The following GORASP2 variants were observed in gnomAD, a reference collection of about 807,000 sequenced individuals.
GORASP2 encodes the protein golgi reassembly stacking protein 2, also known as Golgi reassembly-stacking protein 2.
In GORASP2, 22 loss-of-function variants were observed where a neutral mutation model predicts 45.7. The observed-to-expected ratio is 0.48, with a 90% CI of 0.34 to 0.69. The LOEUF is 0.69. Ranked by LOEUF, GORASP2 falls within the 30% of genes least tolerant of loss-of-function variation. The pLI is 0.01. For synonymous variants in GORASP2, 221 were observed against 215.6 expected, an observed-to-expected ratio of 1.02 and a Z score of -0.22; for missense variants, 491 against 562.7, an observed-to-expected ratio of 0.87 and a Z score of 1.29.
At chr2:170,959,812 C>T (rs1033368518) in intron 7 of GORASP2, among the ~76,000 whole-genome samples, 7 of 144,984 alleles carry the variant, frequency 4.8e-5, no homozygotes, top group Admixed American at 3.6e-4. Flanking sequence ...TGCAGTGTAT[C>T]ACCTTTTTCT....
intron 3 of GORASP2, 97 bp downstream of exon 3, chr2:170,949,839 T>C: frequency 9.2e-7 from 1 of 1,087,074 alleles, no homozygotes; most frequent in South Asian, 1.4e-5. Context: ...ATTGTAAGGA[T>C]ATTATTAATA....
intron 5 of GORASP2, chr2:170,954,159 G>A (rs1345759356): frequency 1.3e-5 from 2 of 153,002 alleles, no homozygotes; most frequent in Non-Finnish European, 2.9e-5. Flanking sequence ...AGAGAACTAT[G>A]GAATGTGTAA....
chr2:170,950,351 T>C, intron 4 of GORASP2, 61 bp downstream of exon 4: 1 of 784,244 alleles, frequency 1.3e-6, no homozygotes, highest in South Asian at 1.8e-5. Flanking sequence ...AGGTTTGAGT[T>C]GAGAAAGATA....
chr2:170,956,407 CTT>C (rs755852644), intron 6 of GORASP2, 27 bp from the exon 7 acceptor site: 2 of 1,568,664 alleles, frequency 1.3e-6, no homozygotes, highest in East Asian at 2.2e-5. Flanking sequence ...CTTAAGTAAT[CTT>C]TGTGTTTTTT....
intron 1 of GORASP2, among the ~76,000 whole-genome samples, chr2:170,940,642 T>C (rs1236367723): frequency 1.4e-5 from 2 of 138,140 alleles, no homozygotes; most frequent in Non-Finnish European, 3.1e-5. Context: ...AGTGAATTGC[T>C]TTTTTTTTTT....
intron 4 of GORASP2, 35 bp downstream of exon 4, chr2:170,950,325 T>C (rs758219956): frequency 1.9e-6 from 2 of 1,041,328 alleles, no homozygotes; most frequent in South Asian, 3.0e-5. Context: ...GAGAACTATA[T>C]AAAATTTTCT....
chr2:170,962,729 C>G (rs1704591944), intron 8 of GORASP2, 110 bp from the exon 9 acceptor site: 1 of 715,334 alleles, frequency 1.4e-6, no homozygotes, highest in African/African-American at 1.7e-5. Flanking sequence ...ATTAGGTGGA[C>G]TTCTGGTACT....
chr2:170,947,473 G>A (rs889279256), intron 1 of GORASP2, among the ~76,000 whole-genome samples: 1 of 152,094 alleles, frequency 6.6e-6, no homozygotes, highest in Non-Finnish European at 1.5e-5. Flanking sequence ...TATGTCTGAA[G>A]CTTCTTCAGT....
chr2:170,942,135 A>G (rs1704090308), intron 1 of GORASP2, among the ~76,000 whole-genome samples: 1 of 152,180 alleles, frequency 6.6e-6, no homozygotes, highest in South Asian at 2.1e-4. Flanking sequence ...AGATCACTTC[A>G]GTATCCTGTT....
rs1239991684 is a variant in GORASP2 at position 170,965,890 on chromosome 2, G to GAGCT, written c.1120_1123dup (p.Ser375Ter). On this transcript the variant is annotated frameshift_variant, in exon 10 of 10. Transcript: ENST00000234160. LOFTEE classifies it high-confidence loss of function. The stretch of plus-strand genomic sequence containing the variant: ...TCCCGTCATTCCCCTTGGTTCCAGA[G>GAGCT]AGCTCTTCTGCAGCAAGCTCAGGAG... The GAGCT allele has an allele frequency of 6.2e-7, 1 of 1,613,874 alleles. No homozygotes were observed. Among genetic ancestry groups the GAGCT allele is most frequent in the Admixed American group, 1.7e-5 (1 of 60,002 alleles).
Position 170,965,735 on chromosome 2 carries a change from C to T in GORASP2, c.1019-55C>T. On this transcript the variant is annotated intron_variant, in intron 9 of 9. Coordinates refer to ENST00000234160, the MANE Select transcript of GORASP2 (RefSeq NM_015530.5). ...AAATAAAAATAGCCCTTTGACAATG[C>T]CTGCTGTCCTTTCAGTGCTGGGAGG... 25 of 1,195,916 alleles carry T rather than the reference C, an allele frequency of 2.1e-5. No homozygotes were observed. In the South Asian group the frequency reaches 3.0e-4, roughly 15 times the overall value. 74.1% of individuals were successfully genotyped at this position (1,195,916 alleles called of 1,614,324 possible). A position where few individuals can be genotyped will look rare whatever the true frequency, so the allele number is the denominator to read the frequency against.
intron 1 of GORASP2, among the ~76,000 whole-genome samples, chr2:170,938,591 T>C (rs1704007415): frequency 6.6e-6 from 1 of 152,244 alleles, no homozygotes; most frequent in South Asian, 2.1e-4. Context: ...ATTAAAATGA[T>C]CTTGCTGTAT....
At chr2:170,928,976 G>T, upstream of GORASP2, 1 of 210,356 alleles carries the variant, frequency 4.8e-6, no homozygotes, top group Non-Finnish European at 9.4e-6. Context: ...GAGCGGGAAC[G>T]CGTCTGCATA....
At position 170,956,360 on chromosome 2, in the gene GORASP2, A is replaced by G. The variant is rs1239656931; in HGVS notation, c.700-76A>G. Reference sequence around the variant, plus strand: ...TGAACCAAATATCTATCTGCAGGGCAAGTAAGAGCCAATATTTATATTTTC... The same window carrying G: ...TGAACCAAATATCTATCTGCAGGGCGAGTAAGAGCCAATATTTATATTTTC... On this transcript the variant is annotated intron_variant, in intron 6 of 9. Transcript: ENST00000234160. 9 of 1,309,270 alleles carry G rather than the reference A, an allele frequency of 6.9e-6. No individual in the cohort carries two copies. In the Admixed American group the frequency reaches 1.9e-4, roughly 28 times the overall value. 81.1% of individuals were successfully genotyped at this position (1,309,270 alleles called of 1,614,324 possible).
intron 9 of GORASP2, among the ~76,000 whole-genome samples, chr2:170,964,835 C>T (rs1704648522): frequency 6.6e-6 from 1 of 151,532 alleles, no homozygotes. Context: ...CTGTGCTTTA[C>T]ACCCTGCCTT....
At chr2:170,932,546 A>G (rs1249830409) in intron 1 of GORASP2, among the ~76,000 whole-genome samples, 1 of 152,214 alleles carries the variant, frequency 6.6e-6, no homozygotes, top group African/African-American at 2.4e-5. Context: ...AGATTACTGT[A>G]TTGAATTTTA....
chr2:170,934,069 G>C (rs1703887457), intron 1 of GORASP2, among the ~76,000 whole-genome samples: 1 of 152,094 alleles, frequency 6.6e-6, no homozygotes, highest in Non-Finnish European at 1.5e-5. Flanking sequence ...TGTCAGAGAT[G>C]AGGTCTCCCA....
chr2:170,935,018 G>A (rs577183149), intron 1 of GORASP2, among the ~76,000 whole-genome samples: 3 of 152,236 alleles, frequency 2.0e-5, no homozygotes, highest in South Asian at 2.1e-4. Context: ...TATTACAGGC[G>A]TGAGCCACTG....
intron 1 of GORASP2, among the ~76,000 whole-genome samples, chr2:170,934,836 C>G (rs1400570359): frequency 1.3e-5 from 2 of 151,862 alleles, no homozygotes; most frequent in Non-Finnish European, 2.9e-5. Context: ...CTCCGAAGTC[C>G]AAGCAATTCT....
Sources: gnomAD v4.1 joint callset for allele counts (sites outside exome capture counted in the v4.1 genomes callset) on GRCh38, gnomAD v4.1.1 for gene constraint, MANE v1.5 for transcripts, NCBI Gene and HGNC (gene_info 2026-07-23, HGNC 2026-07-21) for gene names.